The following LIMK1 variants were observed in gnomAD, a reference collection of about 807,000 sequenced individuals.
LIMK1 encodes LIM domain kinase 1.
A neutral mutation model predicts 77.6 loss-of-function variants in LIMK1; 21 were observed. That is an observed-to-expected ratio of 0.27 (90% CI 0.19 to 0.39). The LOEUF (loss-of-function observed/expected upper bound fraction) is 0.39. Ranked by LOEUF, LIMK1 falls within the 10% of genes least tolerant of loss-of-function variation. The probability of loss-of-function intolerance (pLI) is 1.00; values close to 1 mark genes in which losing one functional copy is unlikely to be tolerated. For missense variants in LIMK1, 696 were observed against 901.6 expected, an observed-to-expected ratio of 0.77 and a Z score of 2.92; for synonymous variants, 358 against 370.0, an observed-to-expected ratio of 0.97 and a Z score of 0.37.
At position 74,084,053 on chromosome 7, in the gene LIMK1, G is replaced by A; in HGVS notation, c.55+8G>A. Reference sequence around the variant, plus strand: ...AACGTATGGGAGAGGAAGGTGCGCGGGCCGCGGGGTGTGGGGCGAGGGCCT... The same window carrying A: ...AACGTATGGGAGAGGAAGGTGCGCGAGCCGCGGGGTGTGGGGCGAGGGCCT... On this transcript the variant is annotated splice_region_variant and intron_variant, in intron 1 of 15. Coordinates refer to ENST00000336180, the MANE Select transcript of LIMK1 (RefSeq NM_002314.4). 6.7e-7 allele frequency: 1 copy of A among 1,483,134 alleles called. No individual in the cohort carries two copies. The highest frequency in any genetic ancestry group is 9.0e-7 in the Non-Finnish European group (1 of 1,107,734). 91.9% of individuals were successfully genotyped at this position (1,483,134 alleles called of 1,614,324 possible).
intron 8 of LIMK1, 152 bp from the exon 9 acceptor site, chr7:74,107,719 T>A: frequency 1.8e-6 from 1 of 565,070 alleles, no homozygotes; most frequent in Non-Finnish European, 3.2e-6. Context: ...ATACATCCCA[T>A]CCACTTGGGT....
chr7:74,112,666 A>G (rs1196960788), intron 12 of LIMK1, among the ~76,000 whole-genome samples: 1 of 152,058 alleles, frequency 6.6e-6, no homozygotes, highest in African/African-American at 2.4e-5. Context: ...TCTACTAAAA[A>G]TATAAAAAAT....
intron 5 of LIMK1, among the ~76,000 whole-genome samples, chr7:74,100,830 G>C (rs972269428): frequency 1.2e-4 from 18 of 151,812 alleles, no homozygotes; most frequent in Admixed American, 6.6e-5. Flanking sequence ...CCGCCTCCTG[G>C]GTTCACGCCA....
At chr7:74,092,740 T>G (rs1461462920) in intron 2 of LIMK1, among the ~76,000 whole-genome samples, 1 of 152,208 alleles carries the variant, frequency 6.6e-6, no homozygotes, top group African/African-American at 2.4e-5. Flanking sequence ...GCTGCTGGCC[T>G]GTGGGGTTGG....
chr7:74,085,878 A>C (rs746117330), intron 2 of LIMK1, 34 bp downstream of exon 2: 4 of 1,481,184 alleles, frequency 2.7e-6, no homozygotes, highest in Non-Finnish European at 3.7e-6. Context: ...GTGTTGCCCT[A>C]AACAAGGCCT....
chr7:74,111,887 G>T, intron 11 of LIMK1, 46 bp from the exon 12 acceptor site: 1 of 1,555,030 alleles, frequency 6.4e-7, no homozygotes, highest in Non-Finnish European at 8.9e-7. Flanking sequence ...ATGGGCTGGG[G>T]TCCCTCTGCA....
chr7:74,097,177 C>G lies in LIMK1; in HGVS notation c.389C>G (p.Ser130Cys). 2 of 1,609,216 alleles carry G rather than the reference C, an allele frequency of 1.2e-6. No individual in the cohort carries two copies. Among genetic ancestry groups the G allele is most frequent in the African/African-American group, 1.3e-5 (1 of 74,934 alleles). The change falls in exon 4 of 16, where the codon TCC becomes TGC. Residue 130 changes from serine (S) to cysteine (C), a missense_variant. Ser to Cys is a moderately radical substitution (Grantham distance 112). Around this residue, in one of 3 missense-constraint regions of LIMK1, gnomAD observed 252 missense variants for 279.4 expected, o/e 0.90. Coordinates refer to ENST00000336180, the MANE Select transcript of LIMK1 (RefSeq NM_002314.4). ...GACACCTACACGCTGGTGGAGCACT[C>G]CAAGCTGTACTGGTGAGTGCCTTGG... ...DGDTYTLVEH[S>C]KLYCGHCYYQ... is the part of the protein sequence containing the mutation.
In LIMK1 at chr7:74,122,315, A is replaced by C. The variant is rs1799958795; in HGVS notation, c.*1014A>C. On this transcript the variant is annotated 3_prime_UTR_variant, in exon 16 of 16. Transcript: ENST00000336180. The stretch of plus-strand genomic sequence containing the variant: ...TGTGGCGGGCGGGGGTGGGAGGGCC[A>C]TTTTGTCACTTTGCCTCAGTTGAGC... 6.6e-6 allele frequency: 1 copy of C among 151,860 alleles called. No individual in the cohort carries two copies. Among genetic ancestry groups the C allele is most frequent in the Non-Finnish European group, 1.5e-5 (1 of 67,916 alleles). 9.4% of individuals were successfully genotyped at this position (151,860 alleles called of 1,614,324 possible).
intron 14 of LIMK1, 69 bp downstream of exon 14, chr7:74,120,707 T>C: frequency 6.3e-7 from 1 of 1,579,656 alleles, no homozygotes; most frequent in Non-Finnish European, 8.7e-7. Flanking sequence ...GGCTGCAGGC[T>C]CAGCATCTGC....
At chr7:74,093,534 G>A (rs1245752689) in intron 2 of LIMK1, among the ~76,000 whole-genome samples, 1 of 152,206 alleles carries the variant, frequency 6.6e-6, no homozygotes, top group Non-Finnish European at 1.5e-5. Context: ...CTGGTGGCCA[G>A]GGATGTGGCC....
intron 2 of LIMK1, among the ~76,000 whole-genome samples, chr7:74,090,329 C>T (rs1799213178): frequency 6.6e-6 from 1 of 151,688 alleles, no homozygotes; most frequent in Non-Finnish European, 1.5e-5. Context: ...GAGTCAAGAT[C>T]GCGCCACTGC....
intron 2 of LIMK1, among the ~76,000 whole-genome samples, chr7:74,089,884 G>T (rs941040438): frequency 6.6e-6 from 1 of 152,082 alleles, no homozygotes; most frequent in African/African-American, 2.4e-5. Context: ...CTGCGGTGAG[G>T]GGGGAGATGG....
Position 74,096,864 on chromosome 7 carries a change from G to C in LIMK1, c.291+104G>C, listed in dbSNP as rs1274215466. On this transcript the variant is annotated intron_variant, in intron 3 of 15. Coordinates refer to ENST00000336180, the MANE Select transcript of LIMK1 (RefSeq NM_002314.4). Reference sequence around the variant, plus strand: ...CATTGTCTCTCCTGGTCTCCTTTTTGCTGGTCTTTGGAGCTGCTTTCTGAG... The same window carrying C: ...CATTGTCTCTCCTGGTCTCCTTTTTCCTGGTCTTTGGAGCTGCTTTCTGAG... 4.9e-6 allele frequency: 7 copies of C among 1,415,232 alleles called. No homozygotes were observed. The Middle Eastern group carries it at 5.5e-4, about 111-fold the overall frequency. 87.7% of individuals were successfully genotyped at this position (1,415,232 alleles called of 1,614,324 possible). A position where few individuals can be genotyped will look rare whatever the true frequency, so the allele number is the denominator to read the frequency against.
At chr7:74,104,619 C>CT (rs1326663103) in intron 5 of LIMK1, among the ~76,000 whole-genome samples, 8 of 151,336 alleles carry the variant, frequency 5.3e-5, no homozygotes, top group Admixed American at 6.6e-5. Context: ...GAGCAAAACT[C>CT]TGTCTCAAAA....
Position 74,111,503 on chromosome 7 carries a change from G to A in LIMK1, c.1285-145G>A. 1.5e-5 allele frequency: 10 copies of A among 681,488 alleles called. No homozygotes were observed. In the South Asian group the frequency reaches 1.6e-4, roughly 11 times the overall value. 42.2% of individuals were successfully genotyped at this position (681,488 alleles called of 1,614,324 possible). On this transcript the variant is annotated intron_variant, in intron 10 of 15. Transcript: ENST00000336180. ...GACTCATACTCCTTAGAAGCAGACA[G>A]TTGTGGGTGCCCGAAGAAATCGGGG...
intron 13 of LIMK1, among the ~76,000 whole-genome samples, chr7:74,118,766 C>G (rs1052055874): frequency 6.6e-6 from 1 of 152,028 alleles, no homozygotes; most frequent in Admixed American, 6.6e-5. Flanking sequence ...ACAAAAAAGT[C>G]TTAGTGTTTC....
At chr7:74,117,882 C>T (rs557771285) in intron 13 of LIMK1, among the ~76,000 whole-genome samples, 3 of 151,974 alleles carry the variant, frequency 2.0e-5, no homozygotes, top group East Asian at 1.9e-4. Context: ...CTGAAGCAGG[C>T]GGATTGCTTG....
At chr7:74,116,791 T>C (rs1482866464) in intron 13 of LIMK1, among the ~76,000 whole-genome samples, 3 of 151,850 alleles carry the variant, frequency 2.0e-5, no homozygotes, top group East Asian at 1.9e-4. Context: ...AGCCTCAACC[T>C]TCTGGGCTCA....
intron 4 of LIMK1, 40 bp downstream of exon 4, chr7:74,097,229 CTG>C (rs781883885): frequency 8.2e-6 from 11 of 1,340,846 alleles, no homozygotes; most frequent in Non-Finnish European, 1.0e-5. Flanking sequence ...GGAGGCCCAC[CTG>C]TGTCACAGAT....
Sources: allele counts gnomAD v4.1 joint callset (sites outside exome capture counted in the v4.1 genomes callset), GRCh38; gene constraint gnomAD v4.1.1; regional missense constraint gnomAD v4.1.1; transcripts MANE v1.5; gene names NCBI Gene and HGNC (gene_info 2026-07-23, HGNC 2026-07-21).